IL3RA: variants seen among roughly 807,000 people sequenced by gnomAD.
IL3RA encodes interleukin 3 receptor subunit alpha.
Under a neutral mutation model 52.3 loss-of-function variants are expected in IL3RA, and 73 were observed. That is an observed-to-expected ratio of 1.40 (90% CI 1.16 to 1.70). The LOEUF is 1.70. Among genes scored for constraint, IL3RA ranks in the 40% most tolerant of loss-of-function variants. The pLI is 0.00. For missense variants in IL3RA, 664 were observed against 504.4 expected (o/e 1.32, Z -3.03); for synonymous variants, 260 against 194.0 (o/e 1.34, Z -2.83).
intron 8 of IL3RA, among the ~76,000 whole-genome samples, chrX:1,359,752 GTC>G (rs1173453023): frequency 2.6e-5 from 3 of 117,028 alleles, no homozygotes; most frequent in Non-Finnish European, 3.6e-5. Flanking sequence ...CTCTCTCTGT[GTC>G]TCTGTCTCTC....
intron 9 of IL3RA, 60 bp from the exon 10 acceptor site, chrX:1,378,599 C>G: frequency 7.0e-7 from 1 of 1,431,180 alleles, no homozygotes; most frequent in Non-Finnish European, 9.7e-7. Flanking sequence ...GGAGAGCTTA[C>G]AGTCCCTGGT....
At chrX:1,361,119 C>G (rs1290619523) in intron 8 of IL3RA, among the ~76,000 whole-genome samples, 5 of 137,912 alleles carry the variant, frequency 3.6e-5, no homozygotes, top group Middle Eastern at 3.8e-3. Context: ...CCCTCTCTGT[C>G]TCTCTCTCCC....
chrX:1,344,729 T>A (rs780064490), intron 2 of IL3RA, among the ~76,000 whole-genome samples: 1 of 150,942 alleles, frequency 6.6e-6, no homozygotes, highest in Non-Finnish European at 1.5e-5. Flanking sequence ...GCTGAGATCG[T>A]GCCACTGCAC....
chrX:1,340,115 C>CTTTTTTTTTTTTTTT (rs779128210), intron 1 of IL3RA, among the ~76,000 whole-genome samples: 1 of 127,208 alleles, frequency 7.9e-6, no homozygotes, highest in African/African-American at 2.9e-5. Context: ...CTTTTCTTTT[C>CTTTTTTTTTTTTTTT]TTTTTTTTTT....
At chrX:1,361,555 G>T (rs1182120453) in intron 8 of IL3RA, among the ~76,000 whole-genome samples, 1 of 151,974 alleles carries the variant, frequency 6.6e-6, no homozygotes, top group East Asian at 1.9e-4. Context: ...TTCAAGACCA[G>T]CCTGGCCAAC....
chrX:1,348,599 T>TCTCC (rs2085885973), intron 4 of IL3RA, 54 bp downstream of exon 4: 1 of 1,213,220 alleles, frequency 8.2e-7, no homozygotes, highest in Admixed American at 1.7e-5. Flanking sequence ...TCCTTCCCTC[T>TCTCC]CTCCCTCCCT....
At chrX:1,345,555 T>C in intron 3 of IL3RA, 121 bp downstream of exon 3, 1 of 560,642 alleles carries the variant, frequency 1.8e-6, no homozygotes, top group Non-Finnish European at 2.8e-6. Context: ...GGTGACCCGA[T>C]CTCCGCTCTC....
chrX:1,357,350 G>C (rs1334692963), intron 7 of IL3RA, among the ~76,000 whole-genome samples: 2 of 138,064 alleles, frequency 1.4e-5, no homozygotes, highest in Non-Finnish European at 1.5e-5. Flanking sequence ...CAAGCTGTTT[G>C]TTTGTTTGTT....
intron 6 of IL3RA, among the ~76,000 whole-genome samples, chrX:1,354,735 GT>G (rs2086507948): frequency 1.6e-5 from 2 of 124,008 alleles, no homozygotes; most frequent in African/African-American, 6.2e-5. Flanking sequence ...GGGGGAGGAG[GT>G]GGAGATGGGG....
At chrX:1,362,198 C>CCGAG in intron 8 of IL3RA, among the ~76,000 whole-genome samples, 1 of 151,338 alleles carries the variant, frequency 6.6e-6, no homozygotes, top group East Asian at 1.9e-4. Flanking sequence ...TTCTGTCTCT[C>CCGAG]CGTTTCTGTC....
At chrX:1,361,159 TTC>T (rs1250077252) in intron 8 of IL3RA, among the ~76,000 whole-genome samples, 1 of 30,992 alleles carries the variant, frequency 3.2e-5, no homozygotes, top group East Asian at 1.0e-3. Flanking sequence ...CTCCCTTTCC[TTC>T]TCTGTCTCTC....
chrX:1,361,714 C>G (rs770875633), intron 8 of IL3RA, among the ~76,000 whole-genome samples: 1 of 142,492 alleles, frequency 7.0e-6, no homozygotes, highest in Non-Finnish European at 1.5e-5. Flanking sequence ...GATCGCGCCA[C>G]TGCACTCCAG....
intron 9 of IL3RA, among the ~76,000 whole-genome samples, chrX:1,367,608 A>C (rs1265586485): frequency 2.0e-4 from 13 of 66,424 alleles, no homozygotes; most frequent in South Asian, 5.8e-4. Flanking sequence ...GCGCGGGGTG[A>C]GCGGGGTGCG....
At chrX:1,377,678 T>G (rs2088872238) in intron 9 of IL3RA, among the ~76,000 whole-genome samples, 1 of 149,856 alleles carries the variant, frequency 6.7e-6, no homozygotes, top group Non-Finnish European at 1.5e-5. Flanking sequence ...TTTTTTTTTT[T>G]TTTTGGAGAG....
chrX:1,348,326 G>C (rs17885427), intron 3 of IL3RA, 105 bp from the exon 4 acceptor site: 501,911 of 869,446 alleles, frequency 0.58, 145,378 homozygotes, highest in Middle Eastern at 0.62. Context: ...GCACTCCAGC[G>C]TGGGCGACGA....
chrX:1,378,693 C>G lies in IL3RA; in HGVS notation c.909C>G (p.Ala303=). 1.2e-6 allele frequency: 2 copies of G among 1,612,758 alleles called. No homozygotes were observed. The highest frequency in any genetic ancestry group is 1.7e-6 in the Non-Finnish European group (2 of 1,179,844). ...CDQEEGANTR[A]WRTSLLIALG... is the part of the protein sequence containing the mutation. ...AGGAGGAGGGCGCAAACACACGTGCCTGGCGGACGTCGCTGCTGATCGCGC... is the reference window on the plus strand; with the variant it reads ...AGGAGGAGGGCGCAAACACACGTGCGTGGCGGACGTCGCTGCTGATCGCGC... The change falls in exon 10 of 12, where the codon GCC becomes GCG. Residue 303 remains alanine (A), a synonymous_variant. Coordinates refer to ENST00000331035, the MANE Select transcript of IL3RA (RefSeq NM_002183.4).
chrX:1,363,888 T>A (rs1348503939), intron 8 of IL3RA, among the ~76,000 whole-genome samples: 9 of 150,800 alleles, frequency 6.0e-5, no homozygotes, highest in Non-Finnish European at 1.2e-4. Flanking sequence ...TCAGCTCATT[T>A]AAAAAAAAAT....
intron 9 of IL3RA, among the ~76,000 whole-genome samples, chrX:1,376,700 A>C (rs1399637759): frequency 7.1e-6 from 1 of 141,736 alleles, no homozygotes; most frequent in Non-Finnish European, 1.5e-5. Context: ...AGCCCTGCCC[A>C]CACCTGGATC....
rs774795409 is a variant in IL3RA at position 1,356,297 on chromosome X, T to C, written c.693T>C (p.His231=). 1 of 1,613,582 alleles carries C rather than the reference T, an allele frequency of 6.2e-7. No individual in the cohort carries two copies. Among genetic ancestry groups the C allele is most frequent in the Non-Finnish European group, 8.5e-7 (1 of 1,179,696 alleles). ...TTATGCACTGGAAAATGAGAAGTCA[T>C]TTCAATCGCAAATTTCGCTATGAGC... ...HSFMHWKMRS[H]FNRKFRYELQ... The change falls in exon 7 of 12, where the codon CAT becomes CAC. Residue 231 remains histidine (H), a synonymous_variant. Coordinates refer to ENST00000331035, the MANE Select transcript of IL3RA (RefSeq NM_002183.4).
Sources: allele counts gnomAD v4.1 joint callset (sites outside exome capture counted in the v4.1 genomes callset), GRCh38; gene constraint gnomAD v4.1.1; transcripts MANE v1.5; gene names NCBI Gene and HGNC (gene_info 2026-07-23, HGNC 2026-07-21).